The following ATP10D variants were observed in gnomAD, a reference collection of about 807,000 sequenced individuals.
ATP10D encodes ATPase phospholipid transporting 10D (putative).
Under a neutral mutation model 144.8 loss-of-function variants are expected in ATP10D, and 89 were observed. That is an observed-to-expected ratio of 0.61 (90% CI 0.52 to 0.73). The LOEUF (loss-of-function observed/expected upper bound fraction) is 0.73. Among genes scored for constraint, ATP10D ranks in the 30% least tolerant of loss-of-function variants. ATP10D has a pLI of 0.00. For missense variants in ATP10D, 1,603 were observed against 1,714.8 expected (o/e 0.93, Z 1.15); for synonymous variants, 571 against 615.1 (o/e 0.93, Z 1.06).
At chr4:47,559,817 TG>T (rs944384704) in intron 13 of ATP10D, among the ~76,000 whole-genome samples, 27 of 152,204 alleles carry the variant, frequency 1.8e-4, no homozygotes, top group African/African-American at 5.5e-4. Context: ...CTGGCTAACA[TG>T]GTGAAACCCC....
At chr4:47,576,342 A>G (rs1055382813) in intron 18 of ATP10D, among the ~76,000 whole-genome samples, 3 of 152,166 alleles carry the variant, frequency 2.0e-5, no homozygotes, top group Admixed American at 1.3e-4. Flanking sequence ...ACAGGAAAGG[A>G]CATTGGTCTT....
intron 22 of ATP10D, among the ~76,000 whole-genome samples, chr4:47,588,418 T>C (rs1240621646): frequency 6.6e-6 from 1 of 152,214 alleles, no homozygotes; most frequent in Non-Finnish European, 1.5e-5. Context: ...AAATTTGGCC[T>C]ACTGTCTGAT....
intron 15 of ATP10D, 101 bp downstream of exon 15, chr4:47,563,866 A>C: frequency 1.8e-6 from 2 of 1,112,454 alleles, no homozygotes; most frequent in Non-Finnish European, 2.5e-6. Flanking sequence ...CAAAACAGCA[A>C]CCGTTAGCTT....
chr4:47,573,038 C>T (rs751747061), intron 18 of ATP10D, 41 bp downstream of exon 18: 3 of 1,601,468 alleles, frequency 1.9e-6, no homozygotes, highest in Non-Finnish European at 2.6e-6. Flanking sequence ...CCCTTCGTAC[C>T]TTCCAAGACT....
At chr4:47,581,877 C>A in intron 20 of ATP10D, 83 bp from the exon 21 acceptor site, 1 of 1,100,614 alleles carries the variant, frequency 9.1e-7, no homozygotes, top group Non-Finnish European at 1.4e-6. Flanking sequence ...GGATTCAAGC[C>A]TTGGTTGAGC....
At chr4:47,529,494 C>T (rs1339958089) in intron 5 of ATP10D, among the ~76,000 whole-genome samples, 1 of 152,070 alleles carries the variant, frequency 6.6e-6, no homozygotes, top group African/African-American at 2.4e-5. Flanking sequence ...TTCCACTGAT[C>T]TATGTGTCTA....
intron 1 of ATP10D, among the ~76,000 whole-genome samples, chr4:47,511,466 G>C (rs1035469032): frequency 2.6e-5 from 4 of 152,126 alleles, no homozygotes; most frequent in African/African-American, 7.2e-5. Flanking sequence ...CTATTCAGGA[G>C]GCTGAGGCAT....
intron 9 of ATP10D, among the ~76,000 whole-genome samples, chr4:47,543,014 T>C (rs1361504253): frequency 1.3e-5 from 2 of 152,228 alleles, no homozygotes; most frequent in African/African-American, 4.8e-5. Context: ...AGTACAGTAT[T>C]ACCCCCTTAT....
chr4:47,516,406 A>C (rs1162071042), intron 3 of ATP10D, among the ~76,000 whole-genome samples: 1 of 152,202 alleles, frequency 6.6e-6, no homozygotes, highest in African/African-American at 2.4e-5. Flanking sequence ...TAGAGAGTCT[A>C]TGTAGCCAAG....
chr4:47,528,489 GTGTGTGTGTGTGTGTGTGTGTGTGTA>G (rs1421046680), intron 5 of ATP10D, among the ~76,000 whole-genome samples: 14 of 127,716 alleles, frequency 1.1e-4, no homozygotes, highest in African/African-American at 2.0e-4. Flanking sequence ...GTGTGTGTGT[GTGTGTGTGTGTGTGTGTGTGTGTGTA>G]TATATATATA....
chr4:47,579,195 G>A (rs1720384202), intron 19 of ATP10D, among the ~76,000 whole-genome samples: 1 of 152,146 alleles, frequency 6.6e-6, no homozygotes, highest in Admixed American at 6.5e-5. Context: ...TCAATCATTT[G>A]ACTATTGTCT....
intron 1 of ATP10D, among the ~76,000 whole-genome samples, chr4:47,504,095 A>G (rs1314168947): frequency 1.3e-5 from 2 of 152,188 alleles, no homozygotes; most frequent in African/African-American, 4.8e-5. Flanking sequence ...AGGTGATTTT[A>G]TTCAGCAAAT....
chr4:47,581,163 C>T lies in ATP10D; in HGVS notation c.3648+685C>T, dbSNP rs1720495861. On this transcript the variant is annotated intron_variant, in intron 20 of 22. Coordinates refer to ENST00000273859, the MANE Select transcript of ATP10D (RefSeq NM_020453.4). ...ATTCAGAGCATTAAATTTGAGATTC[C>T]ATAAGTAATGTCTTTAAAACTATAA... is the stretch of plus-strand genomic sequence containing the variant. Among the ~76,000 whole-genome samples the T allele has an allele frequency of 2.6e-5, 4 of 152,216 alleles. No individual in the cohort carries two copies. In the South Asian group the frequency reaches 8.3e-4, roughly 32 times the overall value.
intron 5 of ATP10D, 83 bp from the exon 6 acceptor site, chr4:47,535,426 A>T: frequency 9.1e-7 from 1 of 1,098,248 alleles, no homozygotes; most frequent in South Asian, 1.9e-5. Context: ...TCCAAGTCAA[A>T]AACATTCAAG....
chr4:47,522,234 C>T (rs1716980840), intron 3 of ATP10D, among the ~76,000 whole-genome samples: 1 of 152,148 alleles, frequency 6.6e-6, no homozygotes, highest in Non-Finnish European at 1.5e-5. Flanking sequence ...CAAACGTCCT[C>T]ATTCTACCCT....
intron 10 of ATP10D, 96 bp downstream of exon 10, chr4:47,546,958 T>G (rs1347209481): frequency 8.2e-7 from 1 of 1,226,528 alleles, no homozygotes; most frequent in African/African-American, 1.5e-5. Context: ...TGTTGTCTTT[T>G]CTACCTTAGA....
intron 10 of ATP10D, among the ~76,000 whole-genome samples, chr4:47,549,019 C>T (rs1718584693): frequency 1.3e-5 from 2 of 152,102 alleles, no homozygotes; most frequent in East Asian, 1.9e-4. Flanking sequence ...AGGCGAGTTA[C>T]GAGCCAGCAA....
At chr4:47,529,684 G>A (rs530471937) in intron 5 of ATP10D, among the ~76,000 whole-genome samples, 9 of 152,068 alleles carry the variant, frequency 5.9e-5, no homozygotes, top group East Asian at 1.9e-4. Context: ...GAAAAATGAC[G>A]TTGATATTTT....
intron 10 of ATP10D, among the ~76,000 whole-genome samples, chr4:47,548,220 TG>T (rs889736974): frequency 5.3e-5 from 8 of 152,216 alleles, no homozygotes; most frequent in African/African-American, 1.9e-4. Context: ...GTGGAACAAA[TG>T]ATTGGTTATT....
Sources: allele counts gnomAD v4.1 joint callset (sites outside exome capture counted in the v4.1 genomes callset), GRCh38; gene constraint gnomAD v4.1.1; transcripts MANE v1.5; gene names NCBI Gene and HGNC (gene_info 2026-07-23, HGNC 2026-07-21).